BRINP3: variants seen among roughly 807,000 people sequenced by gnomAD.
BRINP3 encodes BMP/retinoic acid inducible neural specific 3, also known as BMP/retinoic acid-inducible neural-specific protein 3.
Under a neutral mutation model 71.0 loss-of-function variants are expected in BRINP3, and 19 were observed. The observed-to-expected ratio is 0.27, with a 90% CI of 0.19 to 0.39. The LOEUF is 0.39. Ranked by LOEUF, BRINP3 falls within the 10% of genes least tolerant of loss-of-function variation. The probability of loss-of-function intolerance (pLI) is 1.00; values close to 1 mark genes in which losing one functional copy is unlikely to be tolerated. For missense variants in BRINP3, 959 were observed against 940.8 expected, an observed-to-expected ratio of 1.02 and a Z score of -0.25; for synonymous variants, 380 against 337.7, an observed-to-expected ratio of 1.13 and a Z score of -1.37.
chr1:190,295,869 A>C (rs560196220), intron 2 of BRINP3, among the ~76,000 whole-genome samples: 1 of 152,256 alleles, frequency 6.6e-6, no homozygotes, highest in South Asian at 2.1e-4. Context: ...TAAAGTCTTC[A>C]ATTCCCCTCT....
chr1:190,399,766 T>C (rs1015194303), intron 2 of BRINP3, among the ~76,000 whole-genome samples: 16 of 152,164 alleles, frequency 1.1e-4, no homozygotes, highest in South Asian at 1.0e-3. Flanking sequence ...ATTTAGTCTA[T>C]TACAATTTCT....
At chr1:190,345,664 T>C (rs1342888401) in intron 2 of BRINP3, among the ~76,000 whole-genome samples, 1 of 139,526 alleles carries the variant, frequency 7.2e-6, no homozygotes, top group Non-Finnish European at 1.5e-5. Context: ...AAACCTGTCA[T>C]GGAAAGAATT....
rs139075077 is a variant in BRINP3 at position 190,395,638 on chromosome 1, T to G, written c.236+59017A>C. Among the ~76,000 whole-genome samples the G allele has an allele frequency of 1.5e-3, 228 of 151,856 alleles. 1 individual carries two copies. Among genetic ancestry groups the G allele is most frequent in the African/African-American group, 5.4e-3 (223 of 41,524 alleles). On this transcript the variant is annotated intron_variant, in intron 2 of 7. Transcript: ENST00000367462. ...ACATAAATCTTTTAATTTAATTATC[T>G]CTCTAGAGCTATTGATAACTGTGTA...
intron 7 of BRINP3, among the ~76,000 whole-genome samples, chr1:190,140,300 A>G (rs912086596): frequency 6.6e-6 from 1 of 152,144 alleles, no homozygotes; most frequent in African/African-American, 2.4e-5. Context: ...TTTTAAATAT[A>G]CTTGTATTAT....
chr1:190,113,049 T>C (rs1374023963), intron 7 of BRINP3, among the ~76,000 whole-genome samples: 1 of 152,150 alleles, frequency 6.6e-6, no homozygotes, highest in African/African-American at 2.4e-5. Flanking sequence ...AACTAGATTG[T>C]GATAACTGTT....
At position 190,097,858 on chromosome 1, in the gene BRINP3, G is replaced by T; in HGVS notation, c.*160C>A. The T allele has an allele frequency of 1.3e-6, 1 of 758,610 alleles. No homozygotes were observed. The highest frequency in any genetic ancestry group is 2.1e-6 in the Non-Finnish European group (1 of 478,304). 47.0% of individuals were successfully genotyped at this position (758,610 alleles called of 1,614,324 possible). ...AAAACTGCTGTATAATATATTCATT[G>T]TCAGCAAGTTCATGTGTGTAAATTG... On this transcript the variant is annotated 3_prime_UTR_variant, in exon 8 of 8. Coordinates refer to ENST00000367462, the MANE Select transcript of BRINP3 (RefSeq NM_199051.3).
chr1:190,338,301 AAC>A (rs937467655), intron 2 of BRINP3, among the ~76,000 whole-genome samples: 6 of 152,080 alleles, frequency 3.9e-5, no homozygotes, highest in Admixed American at 6.6e-5. Flanking sequence ...TTTACACTAT[AAC>A]AGAGTTAAGA....
intron 2 of BRINP3, among the ~76,000 whole-genome samples, chr1:190,326,091 C>A (rs1346265976): frequency 9.2e-5 from 14 of 151,944 alleles, no homozygotes; most frequent in Non-Finnish European, 1.6e-4. Flanking sequence ...TAAAAAAAAT[C>A]AATTGGAGCT....
chr1:190,287,667 A>G (rs952290230), intron 2 of BRINP3, among the ~76,000 whole-genome samples: 1 of 152,140 alleles, frequency 6.6e-6, no homozygotes, highest in Non-Finnish European at 1.5e-5. Flanking sequence ...ACTACAGAAG[A>G]CAATTGGCAT....
chr1:190,377,781 C>A (rs1331019919), intron 2 of BRINP3, among the ~76,000 whole-genome samples: 2 of 151,654 alleles, frequency 1.3e-5, no homozygotes, highest in Non-Finnish European at 2.9e-5. Context: ...ATTCTACCTA[C>A]AACAGCATCA....
chr1:190,172,048 C>G (rs1011430981), intron 6 of BRINP3, among the ~76,000 whole-genome samples: 14 of 150,664 alleles, frequency 9.3e-5, no homozygotes, highest in Non-Finnish European at 1.8e-4. Flanking sequence ...TTACAGTGAG[C>G]TATGATTGCA....
At chr1:190,295,219 G>C (rs1664160377) in intron 2 of BRINP3, among the ~76,000 whole-genome samples, 1 of 152,106 alleles carries the variant, frequency 6.6e-6, no homozygotes. Flanking sequence ...TGTTCTGCCA[G>C]GATGGTGGAT....
At chr1:190,473,447 C>T (rs1031593170) in intron 1 of BRINP3, among the ~76,000 whole-genome samples, 63 of 151,458 alleles carry the variant, frequency 4.2e-4, no homozygotes, top group Middle Eastern at 3.4e-3. Flanking sequence ...AAAACTATTT[C>T]CAGAGATAAT....
In BRINP3 at chr1:190,258,560, A is replaced by G. The variant is rs910132977; in HGVS notation, c.618+6305T>C. 9.2e-5 allele frequency among the ~76,000 whole-genome samples: 14 copies of G among 152,214 alleles called. No homozygotes were observed. The East Asian group carries it at 2.7e-3, about 29-fold the overall frequency. The stretch of plus-strand genomic sequence containing the variant: ...TCATGTAACTAAAAGTAAGGAAACT[A>G]GAAATAACTAAAAATCAGGAATAAA... On this transcript the variant is annotated intron_variant, in intron 4 of 7. Transcript: ENST00000367462.
rs564422251 is a variant in BRINP3 at position 190,198,684 on chromosome 1, T to A, written c.961+27398A>T. Among the ~76,000 whole-genome samples the A allele has an allele frequency of 9.7e-4, 148 of 152,248 alleles. 2 individuals carry two copies. Among genetic ancestry groups the A allele is most frequent in the Admixed American group, 3.7e-3 (56 of 15,276 alleles). On this transcript the variant is annotated intron_variant, in intron 6 of 7. Coordinates refer to ENST00000367462, the MANE Select transcript of BRINP3 (RefSeq NM_199051.3). ...TATCAAGAGTCACCTTTGCTCAAGTTCCCAACAAGAGCCTCATCTCCATCT... is the reference window on the plus strand; with the variant it reads ...TATCAAGAGTCACCTTTGCTCAAGTACCCAACAAGAGCCTCATCTCCATCT...
intron 2 of BRINP3, among the ~76,000 whole-genome samples, chr1:190,339,044 AT>A (rs1667480064): frequency 1.3e-5 from 2 of 151,228 alleles, no homozygotes; most frequent in East Asian, 3.9e-4. Flanking sequence ...AAATAAATAA[AT>A]AAATAAAACA....
chr1:190,303,242 T>C lies in BRINP3; in HGVS notation c.237-21492A>G, dbSNP rs1558162646. On this transcript the variant is annotated intron_variant, in intron 2 of 7. Transcript: ENST00000367462. ...AGAAACAGTAATGCTTTGATATCAATGTAAACATAAATTAAATGATATAAT... is the reference window on the plus strand; with the variant it reads ...AGAAACAGTAATGCTTTGATATCAACGTAAACATAAATTAAATGATATAAT... Among the ~76,000 whole-genome samples the C allele has an allele frequency of 2.0e-5, 3 of 151,802 alleles. No individual in the cohort carries two copies. The South Asian group carries it at 6.2e-4, about 31-fold the overall frequency.
At chr1:190,125,263 A>G (rs964750679) in intron 7 of BRINP3, among the ~76,000 whole-genome samples, 147 of 151,906 alleles carry the variant, frequency 9.7e-4, no homozygotes, top group Non-Finnish European at 1.9e-3. Flanking sequence ...GAACATGTCT[A>G]TATATGCCTA....
chr1:190,376,068 G>A (rs895979745), intron 2 of BRINP3, among the ~76,000 whole-genome samples: 2 of 151,858 alleles, frequency 1.3e-5, no homozygotes, highest in Non-Finnish European at 1.5e-5. Flanking sequence ...AAATTTTAAG[G>A]CACTCACAGT....
Sources: gnomAD v4.1 joint callset for allele counts (sites outside exome capture counted in the v4.1 genomes callset) on GRCh38, gnomAD v4.1.1 for gene constraint, MANE v1.5 for transcripts, NCBI Gene and HGNC (gene_info 2026-07-23, HGNC 2026-07-21) for gene names.